Variants in NEK11 observed in about 807,000 individuals in gnomAD.
NEK11 encodes the protein NIMA related kinase 11.
Under a neutral mutation model 80.7 loss-of-function variants are expected in NEK11, and 72 were observed. That is an observed-to-expected ratio of 0.89 (90% confidence interval 0.74 to 1.08). The LOEUF (loss-of-function observed/expected upper bound fraction) is 1.08, where lower values mean the gene tolerates loss of function less well. Among genes scored for constraint, NEK11 ranks in the 50% least tolerant of loss-of-function variants. NEK11 has a pLI of 0.00. For missense variants in NEK11, 764 were observed against 763.6 expected, an observed-to-expected ratio of 1.00 and a Z score of -0.01; for synonymous variants, 251 against 260.7, an observed-to-expected ratio of 0.96 and a Z score of 0.36.
chr3:131,035,610 T>C (rs2065519121), intron 3 of NEK11, among the ~76,000 whole-genome samples: 1 of 152,192 alleles, frequency 6.6e-6, no homozygotes, highest in African/African-American at 2.4e-5. Context: ...GGAGCTTATA[T>C]TAACTAAATC....
chr3:131,262,277 T>C (rs1400549134), intron 16 of NEK11, among the ~76,000 whole-genome samples: 1 of 152,072 alleles, frequency 6.6e-6, no homozygotes, highest in African/African-American at 2.4e-5. Context: ...GTCCCAGCTA[T>C]TGGGAGGCTG....
At chr3:131,231,678 C>G (rs915462335) in intron 15 of NEK11, among the ~76,000 whole-genome samples, 2 of 151,834 alleles carry the variant, frequency 1.3e-5, no homozygotes, top group African/African-American at 4.8e-5. Context: ...AATGTGGACT[C>G]TTCCCTTTCA....
rs564903617 is a variant in NEK11 at position 131,148,320 on chromosome 3, G to T, written c.648-4068G>T. Among the ~76,000 whole-genome samples, 15 of 151,900 alleles carry T rather than the reference G, an allele frequency of 9.9e-5. No individual in the cohort carries two copies. The South Asian group carries it at 3.1e-3, about 32-fold the overall frequency. On this transcript the variant is annotated intron_variant, in intron 7 of 17. Coordinates refer to ENST00000383366, the MANE Select transcript of NEK11 (RefSeq NM_024800.5). Reference sequence around the variant, plus strand: ...TGAATCAACGTTCATGAAAACATTTGCTCGTAATTTTCCTTTCCCATAATA... The same window carrying T: ...TGAATCAACGTTCATGAAAACATTTTCTCGTAATTTTCCTTTCCCATAATA...
chr3:131,126,791 C>T (rs187578405), intron 5 of NEK11, among the ~76,000 whole-genome samples: 3 of 152,006 alleles, frequency 2.0e-5, no homozygotes, highest in Admixed American at 6.6e-5. Flanking sequence ...TGCTTCTCCC[C>T]TATTCTCCTT....
chr3:131,234,366 C>T (rs773155751), intron 15 of NEK11, among the ~76,000 whole-genome samples: 3 of 152,184 alleles, frequency 2.0e-5, no homozygotes, highest in Non-Finnish European at 2.9e-5. Context: ...AATTTACCTT[C>T]ATACTTGGGA....
At chr3:131,262,270 C>T (rs141607774) in intron 16 of NEK11, among the ~76,000 whole-genome samples, 37 of 152,100 alleles carry the variant, frequency 2.4e-4, no homozygotes, top group African/African-American at 8.2e-4. Context: ...ACCTGTAGTC[C>T]CAGCTATTGG....
chr3:131,325,012 A>AAAAT (rs1377371595), intron 17 of NEK11: 10 of 152,234 alleles, frequency 6.6e-5, no homozygotes, highest in African/African-American at 2.2e-4. Context: ...AATCAATCTG[A>AAAAT]AAATAATGAC....
At chr3:131,228,856 G>A (rs1022162669) in intron 15 of NEK11, among the ~76,000 whole-genome samples, 168 bp downstream of exon 15, 2 of 151,998 alleles carry the variant, frequency 1.3e-5, no homozygotes, top group South Asian at 4.2e-4. Flanking sequence ...AGGCAGGCAG[G>A]GCCCTATGGA....
chr3:131,058,207 G>T (rs1213854882), intron 3 of NEK11, among the ~76,000 whole-genome samples: 1 of 152,020 alleles, frequency 6.6e-6, no homozygotes, highest in Non-Finnish European at 1.5e-5. Flanking sequence ...GTAGATATGC[G>T]GCGTTATTTC....
At chr3:131,122,786 C>T (rs1390888863) in intron 5 of NEK11, among the ~76,000 whole-genome samples, 1 of 152,214 alleles carries the variant, frequency 6.6e-6, no homozygotes, top group Admixed American at 6.5e-5. Context: ...TCTGTACCTC[C>T]ACAGACTGTT....
At chr3:131,200,238 T>C (rs1016577047) in intron 14 of NEK11, among the ~76,000 whole-genome samples, 2 of 152,214 alleles carry the variant, frequency 1.3e-5, no homozygotes, top group Non-Finnish European at 2.9e-5. Flanking sequence ...CAACCTGTAA[T>C]TCATAGAGTA....
rs1032755327 is a variant in NEK11, at chr3:131,086,501, C to T, written c.336+5913C>T. ...ATATTATATGGGTTACACCCAGTACCGTCACTGTTTATTTTGTTGCTCAAA... is the reference window on the plus strand; with the variant it reads ...ATATTATATGGGTTACACCCAGTACTGTCACTGTTTATTTTGTTGCTCAAA... On this transcript the variant is annotated intron_variant, in intron 4 of 17. Transcript: ENST00000383366. Among the ~76,000 whole-genome samples the T allele has an allele frequency of 4.6e-5, 7 of 152,126 alleles. No individual in the cohort carries two copies. The South Asian group carries it at 6.2e-4, about 14-fold the overall frequency.
intron 14 of NEK11, among the ~76,000 whole-genome samples, chr3:131,206,766 C>A (rs968061502): frequency 2.0e-5 from 3 of 152,070 alleles, no homozygotes; most frequent in Non-Finnish European, 4.4e-5. Context: ...GTGTGCTGCA[C>A]CCATTAAGCT....
chr3:131,114,515 C>A (rs1193749594), intron 5 of NEK11, among the ~76,000 whole-genome samples: 1 of 152,170 alleles, frequency 6.6e-6, no homozygotes, highest in Non-Finnish European at 1.5e-5. Context: ...GCAGCCCTAT[C>A]CAGGACAGGC....
chr3:131,182,916 CCTG>C (rs2150188554), intron 14 of NEK11, among the ~76,000 whole-genome samples: 1 of 152,344 alleles, frequency 6.6e-6, no homozygotes, highest in South Asian at 2.1e-4. Context: ...GCTAAATTAA[CCTG>C]CTTCTTTCCT....
chr3:131,081,902 C>T (rs548820193), intron 4 of NEK11, among the ~76,000 whole-genome samples: 9 of 152,334 alleles, frequency 5.9e-5, no homozygotes, highest in African/African-American at 2.2e-4. Flanking sequence ...ACAACCTTGC[C>T]TGCTTTACAC....
At chr3:131,072,525 C>A (rs1473876365) in intron 3 of NEK11, among the ~76,000 whole-genome samples, 1 of 152,028 alleles carries the variant, frequency 6.6e-6, no homozygotes, top group East Asian at 1.9e-4. Flanking sequence ...CCACAATATT[C>A]GATGACTCTG....
At chr3:131,294,914 G>C (rs781084350) in intron 17 of NEK11, among the ~76,000 whole-genome samples, 3 of 152,022 alleles carry the variant, frequency 2.0e-5, no homozygotes, top group Non-Finnish European at 2.9e-5. Context: ...CTTTTAATGA[G>C]TTTTCACATG....
chr3:131,168,380 G>A (rs1190246637), intron 12 of NEK11, among the ~76,000 whole-genome samples: 6 of 146,126 alleles, frequency 4.1e-5, no homozygotes, highest in Admixed American at 2.1e-4. Flanking sequence ...TTTTTGAGAC[G>A]GAGTCTCGCT....
Sources: gnomAD v4.1 joint callset for allele counts (sites outside exome capture counted in the v4.1 genomes callset) on GRCh38, gnomAD v4.1.1 for gene constraint, MANE v1.5 for transcripts, NCBI Gene and HGNC (gene_info 2026-07-23, HGNC 2026-07-21) for gene names.